The following R3HDM2 variants were observed in gnomAD, a reference collection of about 807,000 sequenced individuals.
R3HDM2 encodes R3H domain-containing protein 2.
In R3HDM2, 38 loss-of-function variants were observed where a neutral mutation model predicts 124.5. The observed-to-expected ratio is 0.31, with a 90% CI of 0.24 to 0.40. R3HDM2 has a LOEUF of 0.40. Ranked by LOEUF, R3HDM2 falls within the 10% of genes least tolerant of loss-of-function variation. The pLI, the probability that R3HDM2 is intolerant of heterozygous loss-of-function variation, is 1.00. For synonymous variants in R3HDM2, 391 were observed against 448.0 expected (o/e 0.87, Z 1.61); for missense variants, 869 against 1,236.9 (o/e 0.70, Z 4.46).
At chr12:57,384,763 C>G (rs2065451511) in intron 2 of R3HDM2, among the ~76,000 whole-genome samples, 1 of 152,098 alleles carries the variant, frequency 6.6e-6, no homozygotes, top group African/African-American at 2.4e-5. Flanking sequence ...CATCAGATTT[C>G]TATTTTAGAA....
chr12:57,387,244 G>C (rs1280669119), intron 2 of R3HDM2, among the ~76,000 whole-genome samples: 3 of 152,106 alleles, frequency 2.0e-5, no homozygotes, highest in Non-Finnish European at 2.9e-5. Flanking sequence ...AATAAATCTT[G>C]CTGCTGCTCA....
intron 1 of R3HDM2, among the ~76,000 whole-genome samples, chr12:57,404,948 C>T (rs572915799): frequency 6.6e-6 from 1 of 151,998 alleles, no homozygotes; most frequent in Middle Eastern, 3.4e-3. Context: ...CACTATGAAA[C>T]CTTTGAATCT....
At chr12:57,368,955 TTGTC>T (rs910518448) in intron 2 of R3HDM2, among the ~76,000 whole-genome samples, 2 of 152,072 alleles carry the variant, frequency 1.3e-5, no homozygotes, top group African/African-American at 4.8e-5. Context: ...GGCTGAGAAT[TTGTC>T]TGTCATGGCT....
intron 22 of R3HDM2, 145 bp from the exon 23 acceptor site, chr12:57,256,219 C>A (rs1157349128): frequency 4.7e-5 from 44 of 934,432 alleles, no homozygotes; most frequent in Non-Finnish European, 2.3e-5. Context: ...GGAGCAGCGA[C>A]TGAGAAACAA....
chr12:57,284,461 G>T (rs1031460092), intron 12 of R3HDM2, among the ~76,000 whole-genome samples: 1 of 152,204 alleles, frequency 6.6e-6, no homozygotes, highest in Non-Finnish European at 1.5e-5. Flanking sequence ...AGGACTCCTA[G>T]AAGTTGCTAT....
chr12:57,331,846 G>A (rs36050407), intron 2 of R3HDM2, among the ~76,000 whole-genome samples: 35,859 of 151,428 alleles, frequency 0.24, 4,606 homozygotes, highest in South Asian at 0.43. Flanking sequence ...CCCGGGACGC[G>A]GAGCTTGCAG....
chr12:57,398,492 CTCT>C (rs2067770276), intron 1 of R3HDM2, among the ~76,000 whole-genome samples: 1 of 151,284 alleles, frequency 6.6e-6, no homozygotes, highest in South Asian at 2.1e-4. Flanking sequence ...TCCTTTCTCT[CTCT>C]TTTTTTTTTT....
intron 1 of R3HDM2, 150 bp downstream of exon 1, chr12:57,430,570 T>G: frequency 1.0e-6 from 1 of 982,654 alleles, no homozygotes; most frequent in Non-Finnish European, 1.2e-6. Context: ...CCCGCGGCCA[T>G]CCGACCCTGA....
At chr12:57,398,744 C>T (rs2067802738) in intron 1 of R3HDM2, among the ~76,000 whole-genome samples, 1 of 152,178 alleles carries the variant, frequency 6.6e-6, no homozygotes, top group South Asian at 2.1e-4. Flanking sequence ...CCACCTCAGC[C>T]TCCCAAAGTG....
intron 7 of R3HDM2, chr12:57,297,885 C>T (rs2050231902): frequency 1.7e-6 from 1 of 574,152 alleles, no homozygotes; most frequent in Non-Finnish European, 3.1e-6. Flanking sequence ...CAGAAGTTTT[C>T]CCAATTCTTC....
At chr12:57,375,086 A>G (rs1004777409) in intron 2 of R3HDM2, among the ~76,000 whole-genome samples, 28 of 152,126 alleles carry the variant, frequency 1.8e-4, no homozygotes, top group Admixed American at 1.8e-3. Context: ...GACCAGACAT[A>G]TTCCACAAAC....
chr12:57,340,190 A>C (rs2059388844), intron 2 of R3HDM2, among the ~76,000 whole-genome samples: 12 of 152,200 alleles, frequency 7.9e-5, no homozygotes, highest in Admixed American at 7.9e-4. Context: ...CAAGTAAACA[A>C]AACCGTCATC....
chr12:57,383,896 A>C (rs1233683635), intron 2 of R3HDM2, among the ~76,000 whole-genome samples: 1 of 152,134 alleles, frequency 6.6e-6, no homozygotes, highest in Non-Finnish European at 1.5e-5. Flanking sequence ...AAAAAAATAA[A>C]ATTCCCTGAC....
chr12:57,315,528 A>G (rs1369743149), intron 2 of R3HDM2, among the ~76,000 whole-genome samples: 1 of 152,190 alleles, frequency 6.6e-6, no homozygotes, highest in Non-Finnish European at 1.5e-5. Context: ...CCAAATGGGT[A>G]TATTTCGTCA....
intron 2 of R3HDM2, among the ~76,000 whole-genome samples, chr12:57,352,258 A>C (rs1220278519): frequency 6.6e-6 from 1 of 151,626 alleles, no homozygotes; most frequent in African/African-American, 2.4e-5. Flanking sequence ...AAAAAAAAAA[A>C]AAAACAAATC....
intron 10 of R3HDM2, among the ~76,000 whole-genome samples, chr12:57,295,186 T>A (rs140291639): frequency 1.6e-3 from 245 of 152,280 alleles, no homozygotes; most frequent in Middle Eastern, 3.4e-3. Context: ...CTAGCAAACC[T>A]CAGCACCATG....
rs1013821505 is a variant in R3HDM2, at chr12:57,411,191, T to C, written c.-105-15373A>G. On this transcript the variant is annotated intron_variant, in intron 1 of 23. Coordinates refer to ENST00000402412, the MANE Select transcript of R3HDM2 (RefSeq NM_001394031.1). The stretch of plus-strand genomic sequence containing the variant: ...ATATTTTATACTTCCTCAATAGCAA[T>C]AATATGCAGGATTTTTGTTTGTTTT... Among the ~76,000 whole-genome samples the C allele has an allele frequency of 5.9e-5, 9 of 152,186 alleles. No homozygotes were observed. In the South Asian group the frequency reaches 6.2e-4, roughly 11 times the overall value.
chr12:57,361,165 C>T (rs1170075445), intron 2 of R3HDM2, among the ~76,000 whole-genome samples: 3 of 150,980 alleles, frequency 2.0e-5, no homozygotes, highest in Non-Finnish European at 4.4e-5. Context: ...CACCTGAGGT[C>T]GCGAGTTTGA....
At chr12:57,428,634 G>A (rs1337699560) in intron 1 of R3HDM2, among the ~76,000 whole-genome samples, 1 of 152,100 alleles carries the variant, frequency 6.6e-6, no homozygotes, top group African/African-American at 2.4e-5. Flanking sequence ...CACCCTGGGT[G>A]ACATAGCGAG....
Sources: gnomAD v4.1 joint callset for allele counts (sites outside exome capture counted in the v4.1 genomes callset) on GRCh38, gnomAD v4.1.1 for gene constraint, MANE v1.5 for transcripts, NCBI Gene and HGNC (gene_info 2026-07-23, HGNC 2026-07-21) for gene names.